Variants in SYNPR observed in about 807,000 individuals in gnomAD.
SYNPR encodes the protein synaptoporin.
SYNPR carries 23 observed loss-of-function variants against 32.9 expected under a neutral mutation model. The observed-to-expected ratio is 0.70, with a 90% CI of 0.50 to 0.99. The LOEUF (loss-of-function observed/expected upper bound fraction) is 0.99. Ranked by LOEUF, SYNPR falls within the 50% of genes least tolerant of loss-of-function variation. The pLI, the probability that SYNPR is intolerant of heterozygous loss-of-function variation, is 0.00. For synonymous variants in SYNPR, 146 were observed against 135.9 expected (o/e 1.07, Z -0.52); for missense variants, 318 against 349.3 (o/e 0.91, Z 0.71).
At chr3:63,239,660 C>T (rs2086226384) in intron 1 of SYNPR, among the ~76,000 whole-genome samples, 1 of 151,110 alleles carries the variant, frequency 6.6e-6, no homozygotes, top group Admixed American at 6.6e-5. Context: ...TCATGTGTAA[C>T]ACACCCACCT....
intron 2 of SYNPR, among the ~76,000 whole-genome samples, chr3:63,319,965 A>G (rs2087090750): frequency 6.6e-6 from 1 of 151,962 alleles, no homozygotes; most frequent in African/African-American, 2.4e-5. Flanking sequence ...TTATTCATTT[A>G]TTGAGACAGG....
upstream of SYNPR, among the ~76,000 whole-genome samples, chr3:63,224,427 A>ACC (rs2086114156): frequency 6.6e-6 from 1 of 152,206 alleles, no homozygotes; most frequent in Non-Finnish European, 1.5e-5. Context: ...ATTGGGGACC[A>ACC]CTGTGATAGA....
chr3:63,479,292 T>C (rs1700994992), intron 2 of SYNPR, among the ~76,000 whole-genome samples: 1 of 152,198 alleles, frequency 6.6e-6, no homozygotes, highest in Non-Finnish European at 1.5e-5. Flanking sequence ...TTAACATTGA[T>C]TGAGAGCTTA....
chr3:63,366,418 T>C (rs2087730179), intron 2 of SYNPR, among the ~76,000 whole-genome samples: 2 of 152,044 alleles, frequency 1.3e-5, no homozygotes, highest in Admixed American at 6.6e-5. Context: ...CCAAGTGTAA[T>C]ATAAACCAGA....
intron 4 of SYNPR, among the ~76,000 whole-genome samples, chr3:63,575,163 G>C (rs553136934): frequency 7.0e-4 from 107 of 152,238 alleles, no homozygotes; most frequent in Non-Finnish European, 9.7e-4. Context: ...ATGTATAGCA[G>C]AGTTAACAGG....
At chr3:63,319,344 A>G (rs2087083072) in intron 2 of SYNPR, among the ~76,000 whole-genome samples, 1 of 152,034 alleles carries the variant, frequency 6.6e-6, no homozygotes, top group Non-Finnish European at 1.5e-5. Context: ...TTATAATTTG[A>G]AGTCAGGTAA....
intron 2 of SYNPR, among the ~76,000 whole-genome samples, chr3:63,435,108 T>G (rs1700057600): frequency 6.6e-6 from 1 of 152,218 alleles, no homozygotes; most frequent in Non-Finnish European, 1.5e-5. Context: ...ATCTCCCACC[T>G]TGTATATGCT....
chr3:63,303,257 G>T (rs975463331), intron 2 of SYNPR, among the ~76,000 whole-genome samples: 2 of 151,582 alleles, frequency 1.3e-5, no homozygotes, highest in African/African-American at 4.8e-5. Context: ...TTTTCATAGT[G>T]CCTCATTTGT....
chr3:63,282,922 T>C (rs2086643519), intron 2 of SYNPR, among the ~76,000 whole-genome samples: 1 of 152,080 alleles, frequency 6.6e-6, no homozygotes, highest in African/African-American at 2.4e-5. Flanking sequence ...AAAAATATAG[T>C]TTTGTATGTG....
At chr3:63,245,375 A>G (rs991942267) in intron 1 of SYNPR, among the ~76,000 whole-genome samples, 12 of 152,090 alleles carry the variant, frequency 7.9e-5, no homozygotes, top group Admixed American at 2.6e-4. Context: ...GTTAGCCAAA[A>G]TGTTTATATT....
intron 2 of SYNPR, among the ~76,000 whole-genome samples, chr3:63,362,276 G>A (rs13320473): frequency 0.13 from 19,953 of 152,066 alleles, 3,907 homozygotes; most frequent in African/African-American, 0.43. Context: ...AATCAGATTT[G>A]GTGTGTTTTG....
intron 2 of SYNPR, among the ~76,000 whole-genome samples, chr3:63,356,481 C>T (rs1447280035): frequency 6.6e-6 from 1 of 152,224 alleles, no homozygotes; most frequent in Non-Finnish European, 1.5e-5. Context: ...ATTCTGTTGT[C>T]ATTACCTCTG....
chr3:63,301,929 T>C (rs58384865), intron 2 of SYNPR, among the ~76,000 whole-genome samples: 18,907 of 152,090 alleles, frequency 0.12, 1,282 homozygotes, highest in Non-Finnish European at 0.16. Flanking sequence ...TCACTGAATA[T>C]ATGACAATGA....
chr3:63,449,561 C>T (rs1700342343), intron 2 of SYNPR, among the ~76,000 whole-genome samples: 1 of 152,166 alleles, frequency 6.6e-6, no homozygotes. Context: ...CAGACATTGC[C>T]AAATTGCCCC....
At chr3:63,587,672 A>T (rs1703213971) in intron 4 of SYNPR, among the ~76,000 whole-genome samples, 1 of 152,046 alleles carries the variant, frequency 6.6e-6, no homozygotes, top group South Asian at 2.1e-4. Context: ...TGGCACTTGA[A>T]AGGCCTGCTA....
At chr3:63,261,354 G>A (rs1462737306) in intron 2 of SYNPR, among the ~76,000 whole-genome samples, 1 of 151,750 alleles carries the variant, frequency 6.6e-6, no homozygotes, top group Admixed American at 6.6e-5. Flanking sequence ...AAGAAAATGT[G>A]GCACATATAC....
chr3:63,270,550 G>A (rs914085256), intron 3 of SYNPR, among the ~76,000 whole-genome samples: 7 of 152,178 alleles, frequency 4.6e-5, no homozygotes, highest in African/African-American at 1.7e-4. Flanking sequence ...TCAGATTCCA[G>A]TTGTGATCTG....
At chr3:63,250,363 A>G (rs1305362751) in intron 1 of SYNPR, among the ~76,000 whole-genome samples, 9 of 151,884 alleles carry the variant, frequency 5.9e-5, no homozygotes, top group Non-Finnish European at 1.2e-4. Flanking sequence ...AAATAAAATT[A>G]TCCAAGATCT....
intron 2 of SYNPR, among the ~76,000 whole-genome samples, chr3:63,408,330 AAG>A (rs759711436): frequency 6.0e-5 from 8 of 133,154 alleles, no homozygotes; most frequent in Non-Finnish European, 1.1e-4. Flanking sequence ...GAAAGAAAGA[AAG>A]AAAGAAAGAA....
Sources: gnomAD v4.1 joint callset for allele counts (sites outside exome capture counted in the v4.1 genomes callset) on GRCh38, gnomAD v4.1.1 for gene constraint, MANE v1.5 for transcripts, NCBI Gene and HGNC (gene_info 2026-07-23, HGNC 2026-07-21) for gene names.